Variants in ABL2 observed in about 807,000 individuals in gnomAD.
The protein encoded by ABL2 is tyrosine-protein kinase ABL2.
A neutral mutation model predicts 107.7 loss-of-function variants in ABL2; 49 were observed. The observed-to-expected ratio is 0.45, with a 90% CI of 0.36 to 0.58. ABL2 has a LOEUF of 0.58. Among genes scored for constraint, ABL2 ranks in the 20% least tolerant of loss-of-function variants. ABL2 has a pLI of 0.00. For synonymous variants in ABL2, 549 were observed against 548.6 expected (o/e 1.00, Z -0.01); for missense variants, 1,245 against 1,457.0 (o/e 0.85, Z 2.37).
intron 3 of ABL2, among the ~76,000 whole-genome samples, chr1:179,130,393 A>C (rs963665387): frequency 6.6e-6 from 1 of 152,210 alleles, no homozygotes; most frequent in Non-Finnish European, 1.5e-5. Flanking sequence ...ATGTAAACCA[A>C]CTATATCACT....
chr1:179,139,340 G>A (rs147729083), intron 1 of ABL2, among the ~76,000 whole-genome samples: 1,663 of 152,144 alleles, frequency 0.011, 29 homozygotes, highest in African/African-American at 0.038. Flanking sequence ...GCAAAGGTCT[G>A]CAGCTTCACT....
chr1:179,127,562 G>A (rs1655851125), intron 3 of ABL2, among the ~76,000 whole-genome samples: 1 of 152,124 alleles, frequency 6.6e-6, no homozygotes, highest in African/African-American at 2.4e-5. Context: ...CACAAATTAG[G>A]TTTCTTTGAC....
intron 1 of ABL2, among the ~76,000 whole-genome samples, chr1:179,197,875 A>G (rs1297484768): frequency 2.0e-5 from 3 of 151,392 alleles, no homozygotes; most frequent in Non-Finnish European, 4.4e-5. Context: ...CTCAAAAAAA[A>G]AAAAAAAATT....
chr1:179,143,548 T>TA (rs1276319827), intron 1 of ABL2, among the ~76,000 whole-genome samples: 1 of 152,208 alleles, frequency 6.6e-6, no homozygotes, highest in East Asian at 1.9e-4. Context: ...GTCAAAGAAA[T>TA]AGCTGTGATC....
intron 1 of ABL2, among the ~76,000 whole-genome samples, chr1:179,171,854 C>G (rs1387740046): frequency 5.9e-5 from 9 of 152,142 alleles, no homozygotes; most frequent in Non-Finnish European, 1.3e-4. Flanking sequence ...GAAACTCTAG[C>G]CTAATTTATT....
intron 1 of ABL2, among the ~76,000 whole-genome samples, chr1:179,168,835 T>G (rs192452778): frequency 2.6e-5 from 4 of 152,358 alleles, no homozygotes; most frequent in Admixed American, 2.6e-4. Context: ...CTAACTAGCA[T>G]GACTTCGTAG....
chr1:179,108,667 C>T lies in ABL2; in HGVS notation c.2600G>A (p.Gly867Glu), dbSNP rs1335234176. 4 of 1,614,096 alleles carry T rather than the reference C, an allele frequency of 2.5e-6. No homozygotes were observed. Among genetic ancestry groups the T allele is most frequent in the Admixed American group, 1.7e-5 (1 of 60,002 alleles). The part of the protein sequence containing the change: ...ATALPLRTPS[G>E]DLAITEKDPP... Reference sequence around the variant, plus strand: ...GTCCTTCTCTGTAATGGCTAGATCCCCAGAGGGTGTTCTGAGAGGAAGAGC... The same window carrying T: ...GTCCTTCTCTGTAATGGCTAGATCCTCAGAGGGTGTTCTGAGAGGAAGAGC... The change falls in exon 12 of 12, where the codon GGG becomes GAG. Residue 867 changes from glycine to glutamate, a missense_variant. By Grantham distance (98) the Gly-to-Glu change is moderately conservative. Transcript: ENST00000502732.
At chr1:179,131,264 C>T (rs1376592190) in intron 3 of ABL2, 47 bp downstream of exon 3, 1 of 1,586,906 alleles carries the variant, frequency 6.3e-7, no homozygotes, top group East Asian at 2.2e-5. Flanking sequence ...ATCTCTTAAT[C>T]ATTAATGAAA....
intron 1 of ABL2, among the ~76,000 whole-genome samples, chr1:179,185,488 C>T (rs1660632650): frequency 6.6e-6 from 1 of 152,044 alleles, no homozygotes; most frequent in Non-Finnish European, 1.5e-5. Context: ...AAAGATGATG[C>T]TCAGTTTTAA....
At position 179,229,273 on chromosome 1, in the gene ABL2, G is replaced by C; in HGVS notation, c.125C>G (p.Thr42Arg). Residue 42 changes from threonine to arginine, a missense_variant, in exon 1 of 12, where the codon ACA becomes AGA. Around this residue, in one of 3 missense-constraint regions of ABL2, gnomAD observed 164 missense variants for 143.7 expected, o/e 1.14. Transcript: ENST00000502732. Reference sequence around the variant, plus strand: ...GGTGAAGATATTGAAGCCGGTCTCTGTGGTGCGCCCCGCCGGGTCCCGCCT... The same window carrying C: ...GGTGAAGATATTGAAGCCGGTCTCTCTGGTGCGCCCCGCCGGGTCCCGCCT... ...GRRRDPAGRT[T>R]ETGFNIFTQH... 6.4e-7 allele frequency: 1 copy of C among 1,563,720 alleles called. No homozygotes were observed. Among genetic ancestry groups the C allele is most frequent in the Non-Finnish European group, 8.6e-7 (1 of 1,156,582 alleles).
intron 1 of ABL2, among the ~76,000 whole-genome samples, chr1:179,165,444 T>A (rs1479738527): frequency 2.6e-5 from 4 of 151,600 alleles, no homozygotes; most frequent in African/African-American, 9.7e-5. Flanking sequence ...AAAAAAAAAC[T>A]AGTACAGCCC....
At chr1:179,184,165 A>G (rs1557982157) in intron 1 of ABL2, 2 of 409,422 alleles carry the variant, frequency 4.9e-6, no homozygotes, top group Non-Finnish European at 9.2e-6. Context: ...CTGCTTAGGG[A>G]GGAGGACAAA....
chr1:179,133,192 C>A, intron 2 of ABL2, 120 bp downstream of exon 2: 1 of 1,488,908 alleles, frequency 6.7e-7, no homozygotes, highest in South Asian at 1.3e-5. Flanking sequence ...ATAGTTTTAT[C>A]ATATATGAAA....
At chr1:179,176,294 TTAA>T (rs2102786922) in intron 1 of ABL2, among the ~76,000 whole-genome samples, 1 of 152,218 alleles carries the variant, frequency 6.6e-6, no homozygotes, top group South Asian at 2.1e-4. Context: ...GTGACTCTAG[TTAA>T]TAATAATTTA....
At chr1:179,188,318 G>A (rs1660790549) in intron 1 of ABL2, among the ~76,000 whole-genome samples, 1 of 152,088 alleles carries the variant, frequency 6.6e-6, no homozygotes, top group Admixed American at 6.6e-5. Flanking sequence ...AAGCTAGGTA[G>A]ATCACCTAAG....
chr1:179,118,833 G>T, intron 6 of ABL2, 69 bp from the exon 7 acceptor site: 1 of 1,506,164 alleles, frequency 6.6e-7, no homozygotes, highest in Non-Finnish European at 9.0e-7. Context: ...CTTTGGCCAA[G>T]AATAATTTGA....
chr1:179,180,410 C>T (rs1660304888), intron 1 of ABL2, among the ~76,000 whole-genome samples: 1 of 152,156 alleles, frequency 6.6e-6, no homozygotes, highest in Non-Finnish European at 1.5e-5. Context: ...TGAGGAGCTG[C>T]CACGAAGGTT....
At chr1:179,110,630 G>A in intron 10 of ABL2, 175 bp from the exon 11 acceptor site, 4 of 1,526,518 alleles carry the variant, frequency 2.6e-6, no homozygotes, top group Non-Finnish European at 3.5e-6. Context: ...AGTATCATGT[G>A]TGTAGATTCG....
intron 4 of ABL2, among the ~76,000 whole-genome samples, chr1:179,124,491 C>CAG (rs1335786553): frequency 9.0e-5 from 1 of 11,068 alleles, no homozygotes; most frequent in African/African-American, 1.1e-3. Context: ...TTTTTTGAGA[C>CAG]AGAGTCTCGC....
Sources: allele counts gnomAD v4.1 joint callset (sites outside exome capture counted in the v4.1 genomes callset), GRCh38; gene constraint gnomAD v4.1.1; regional missense constraint gnomAD v4.1.1; transcripts MANE v1.5; gene names NCBI Gene and HGNC (gene_info 2026-07-23, HGNC 2026-07-21).